The following PRR13 variants were observed in gnomAD, a reference collection of about 807,000 sequenced individuals.
PRR13 encodes proline rich 13.
A neutral mutation model predicts 11.5 loss-of-function variants in PRR13; 7 were observed. The observed-to-expected ratio is 0.61, with a 90% CI of 0.34 to 1.14. The LOEUF is 1.14. Ranked by LOEUF, PRR13 falls within the 50% of genes most tolerant of loss-of-function variation. PRR13 has a pLI of 0.03. For synonymous variants in PRR13, 53 were observed against 67.8 expected (o/e 0.78, Z 1.07); for missense variants, 155 against 194.4 (o/e 0.80, Z 1.21).
In PRR13 at chr12:53,442,645, CT is replaced by C. The variant is rs777811300; in HGVS notation, c.-20-48del. On this transcript the variant is annotated intron_variant, in intron 1 of 3. Transcript: ENST00000429243. ...GGGCTGGGCTCCGGTGCTAAGTCCA[CT>C]TCCTACCTCTAGACCGTCATCTTTT... The C allele has an allele frequency of 7.2e-6, 11 of 1,525,010 alleles. No homozygotes were observed. The South Asian group carries it at 1.1e-4, about 16-fold the overall frequency. 94.5% of individuals were successfully genotyped at this position (1,525,010 alleles called of 1,614,324 possible).
chr12:53,441,854 T>A, intron 1 of PRR13, 62 bp downstream of exon 1: 1 of 702,272 alleles, frequency 1.4e-6, no homozygotes, highest in Non-Finnish European at 2.6e-6. Context: ...AAGAGTCTCT[T>A]CGCAGCTTGG....
At position 53,443,749 on chromosome 12, in the gene PRR13, C is replaced by A. The variant is rs1487838548; in HGVS notation, c.378C>A (p.His126Gln). 2 of 1,606,628 alleles carry A rather than the reference C, an allele frequency of 1.2e-6. No homozygotes were observed. Among genetic ancestry groups the A allele is most frequent in the East Asian group, 2.2e-5 (1 of 44,840 alleles). ...AHKKMHKHQK[H>Q]HKYHKHGKHS... ...AAAAGATGCACAAGCACCAAAAGCA[C>A]CACAAGTACCACAAGCATGGCAAGG... The change falls in exon 3 of 4, where the codon CAC (histidine) becomes CAA (glutamine). Residue 126 changes from histidine to glutamine, a missense_variant. Coordinates refer to ENST00000429243, the MANE Select transcript of PRR13 (RefSeq NM_018457.4).
chr12:53,443,786 T>C lies in PRR13; in HGVS notation c.402+13T>C. 1 of 1,588,038 alleles carries C rather than the reference T, an allele frequency of 6.3e-7. No homozygotes were observed. Among genetic ancestry groups the C allele is most frequent in the South Asian group, 1.1e-5 (1 of 88,098 alleles). On this transcript the variant is annotated intron_variant, in intron 3 of 3. Transcript: ENST00000429243. ...CAAGCATGGCAAGGTCAGTACCCTCTGGAGACTGGCTAGGGAAGGAGTCCC... is the reference window on the plus strand; with the variant it reads ...CAAGCATGGCAAGGTCAGTACCCTCCGGAGACTGGCTAGGGAAGGAGTCCC...
intron 3 of PRR13, among the ~76,000 whole-genome samples, chr12:53,445,360 AAAAAG>A (rs1940382189): frequency 6.7e-6 from 1 of 149,638 alleles, no homozygotes; most frequent in African/African-American, 2.6e-5. Flanking sequence ...AAAAAAAAAA[AAAAAG>A]GTCTGAAGAG....
chr12:53,444,571 C>T (rs1238581999), intron 3 of PRR13, among the ~76,000 whole-genome samples: 4 of 152,188 alleles, frequency 2.6e-5, no homozygotes, highest in African/African-American at 7.2e-5. Flanking sequence ...CCTTGTGATC[C>T]GCCCGCCTTG....
intron 3 of PRR13, among the ~76,000 whole-genome samples, chr12:53,445,286 T>A (rs998464655): frequency 6.7e-6 from 1 of 149,398 alleles, no homozygotes; most frequent in Non-Finnish European, 1.5e-5. Context: ...AAGTGGAGGT[T>A]GCAGTGAGCT....
At chr12:53,442,041 T>C in intron 1 of PRR13, 2 of 572,060 alleles carry the variant, frequency 3.5e-6, no homozygotes, top group African/African-American at 3.8e-5. Flanking sequence ...GATCCTTTCT[T>C]ACTCTGTGCG....
intron 2 of PRR13, 56 bp downstream of exon 2, chr12:53,442,789 A>G: frequency 6.4e-7 from 1 of 1,559,542 alleles, no homozygotes; most frequent in South Asian, 1.1e-5. Context: ...GGGCTCTATA[A>G]CAGGAAGTTT....
chr12:53,443,868 C>T (rs1472699452), intron 3 of PRR13, 95 bp downstream of exon 3: 25 of 1,374,672 alleles, frequency 1.8e-5, no homozygotes, highest in Admixed American at 9.8e-5. Flanking sequence ...ATTCTGTGGA[C>T]GTGAGGGATG....
At chr12:53,442,989 T>C (rs1306932874) in intron 2 of PRR13, 3 of 413,774 alleles carry the variant, frequency 7.3e-6, no homozygotes, top group Non-Finnish European at 1.3e-5. Flanking sequence ...CTGGAGTAGC[T>C]GAGATTACAG....
At chr12:53,444,514 A>G (rs1940363945) in intron 3 of PRR13, among the ~76,000 whole-genome samples, 1 of 152,058 alleles carries the variant, frequency 6.6e-6, no homozygotes, top group Non-Finnish European at 1.5e-5. Context: ...TATTTTTAGT[A>G]GAGATGGGGT....
chr12:53,444,573 C>T (rs1026076642), intron 3 of PRR13, among the ~76,000 whole-genome samples: 1 of 152,230 alleles, frequency 6.6e-6, no homozygotes, highest in South Asian at 2.1e-4. Context: ...TTGTGATCCG[C>T]CCGCCTTGGC....
intron 2 of PRR13, 35 bp from the exon 3 acceptor site, chr12:53,443,356 G>A: frequency 1.5e-6 from 2 of 1,349,654 alleles, no homozygotes; most frequent in Non-Finnish European, 1.9e-6. Flanking sequence ...AGACTCTGGG[G>A]AATTCTAATG....
intron 2 of PRR13, 155 bp downstream of exon 2, chr12:53,442,888 A>AATTT: frequency 1.7e-6 from 1 of 593,198 alleles, no homozygotes; most frequent in Non-Finnish European, 2.7e-6. Context: ...AATTTAATTT[A>AATTT]ATTTATTTAT....
chr12:53,444,617 C>T (rs1333239059), intron 3 of PRR13, among the ~76,000 whole-genome samples: 1 of 152,264 alleles, frequency 6.6e-6, no homozygotes, highest in Non-Finnish European at 1.5e-5. Context: ...GCGTGAGCCA[C>T]TGCACCCAGC....
chr12:53,442,305 C>T (rs1022249352), intron 1 of PRR13: 4 of 237,748 alleles, frequency 1.7e-5, no homozygotes, highest in South Asian at 1.6e-4. Context: ...AGTGCAGTGG[C>T]GCGGTCTCGG....
At chr12:53,442,537 C>T in intron 1 of PRR13, 158 bp from the exon 2 acceptor site, 1 of 634,498 alleles carries the variant, frequency 1.6e-6, no homozygotes. Context: ...GCCACCGCGC[C>T]CAGCCAGAAA....
chr12:53,442,465 G>C (rs1172693303), intron 1 of PRR13: 12 of 413,382 alleles, frequency 2.9e-5, no homozygotes, highest in South Asian at 8.0e-5. Flanking sequence ...GGCTGGTCTC[G>C]AACTCTTGAC....
chr12:53,443,890 G>A (rs930036263), intron 3 of PRR13, 117 bp downstream of exon 3: 8 of 1,196,638 alleles, frequency 6.7e-6, no homozygotes, highest in South Asian at 3.2e-5. Flanking sequence ...CAATTGTGTC[G>A]CTCTGGTAGA....
Sources: allele counts gnomAD v4.1 joint callset (sites outside exome capture counted in the v4.1 genomes callset), GRCh38; gene constraint gnomAD v4.1.1; transcripts MANE v1.5; gene names NCBI Gene and HGNC (gene_info 2026-07-23, HGNC 2026-07-21).